Variants in FGD4 observed in about 807,000 individuals in gnomAD.
FGD4 encodes FYVE, RhoGEF and PH domain containing 4, also known as FYVE, RhoGEF and PH domain-containing protein 4.
Under a neutral mutation model 102.0 loss-of-function variants are expected in FGD4, and 42 were observed. That is an observed-to-expected ratio of 0.41 (90% CI 0.32 to 0.53). The LOEUF is 0.53. FGD4 is among the 20% of genes least tolerant of loss of function. The pLI, the probability that FGD4 is intolerant of heterozygous loss-of-function variation, is 0.21. For synonymous variants in FGD4, 380 were observed against 375.7 expected, an observed-to-expected ratio of 1.01 and a Z score of -0.13; for missense variants, 902 against 1,078.2, an observed-to-expected ratio of 0.84 and a Z score of 2.29.
chr12:32,450,595 G>A (rs550303157), intron 1 of FGD4, among the ~76,000 whole-genome samples: 1 of 152,190 alleles, frequency 6.6e-6, no homozygotes, highest in African/African-American at 2.4e-5. Flanking sequence ...CAAGAGCCCT[G>A]GTTTCTTAGT....
chr12:32,574,337 T>G (rs1198969537), intron 2 of FGD4, among the ~76,000 whole-genome samples: 1 of 151,976 alleles, frequency 6.6e-6, no homozygotes, highest in African/African-American at 2.4e-5. Context: ...AAGTGTTTTT[T>G]TTTTTTTTTT....
chr12:32,543,001 G>A lies in FGD4; in HGVS notation c.167-21136G>A, dbSNP rs181211003. 5.7e-4 allele frequency among the ~76,000 whole-genome samples: 87 copies of A among 152,188 alleles called. 1 individual carries two copies. Among genetic ancestry groups the A allele is most frequent in the Admixed American group, 5.6e-3 (86 of 15,278 alleles). On this transcript the variant is annotated intron_variant, in intron 1 of 16. Coordinates refer to ENST00000534526, the MANE Select transcript of FGD4 (RefSeq NM_001370298.3). ...TAGCGTCAGATCCCATAGGTGAAAC[G>A]CTGAGTCCCACAAGACTATCCCCAC...
chr12:32,624,337 T>A, intron 11 of FGD4, 85 bp from the exon 12 acceptor site: 1 of 1,096,800 alleles, frequency 9.1e-7, no homozygotes, highest in Non-Finnish European at 1.3e-6. Flanking sequence ...TCCAGAAAGT[T>A]GGAACAACAG....
At chr12:32,455,409 G>T (rs1942922120) in intron 1 of FGD4, among the ~76,000 whole-genome samples, 1 of 152,008 alleles carries the variant, frequency 6.6e-6, no homozygotes, top group African/African-American at 2.4e-5. Flanking sequence ...CAGGATAATT[G>T]TATTTAAACA....
intron 1 of FGD4, among the ~76,000 whole-genome samples, chr12:32,555,052 T>G (rs1181266634): frequency 1.3e-5 from 2 of 152,234 alleles, no homozygotes; most frequent in Admixed American, 6.5e-5. Context: ...CAATATGGAC[T>G]GCACTGGGAA....
intron 1 of FGD4, among the ~76,000 whole-genome samples, chr12:32,556,117 A>G (rs1171520118): frequency 6.6e-6 from 1 of 152,168 alleles, no homozygotes; most frequent in Non-Finnish European, 1.5e-5. Flanking sequence ...CTGGGATTAC[A>G]GGCATGAGCC....
intron 1 of FGD4, among the ~76,000 whole-genome samples, chr12:32,500,785 A>G (rs1165184320): frequency 6.6e-6 from 1 of 152,132 alleles, no homozygotes; most frequent in Non-Finnish European, 1.5e-5. Flanking sequence ...ATACATTAAT[A>G]TTTGCATCAC....
At chr12:32,522,274 G>A (rs1240474906) in intron 1 of FGD4, among the ~76,000 whole-genome samples, 3 of 152,158 alleles carry the variant, frequency 2.0e-5, no homozygotes, top group East Asian at 1.9e-4. Context: ...GGGTGGATAC[G>A]TAGAGTGGAT....
intron 1 of FGD4, among the ~76,000 whole-genome samples, chr12:32,428,614 T>C (rs550384769): frequency 6.6e-6 from 1 of 152,352 alleles, no homozygotes; most frequent in South Asian, 2.1e-4. Context: ...TTGGCCTGCC[T>C]TGCTAGGTTG....
At chr12:32,442,633 A>C (rs1242924346) in intron 1 of FGD4, among the ~76,000 whole-genome samples, 1 of 137,808 alleles carries the variant, frequency 7.3e-6, no homozygotes, top group Non-Finnish European at 1.5e-5. Context: ...GTGCGATCTC[A>C]CTGCAACCTC....
At chr12:32,577,195 A>C (rs932687665) in intron 3 of FGD4, among the ~76,000 whole-genome samples, 1 of 152,158 alleles carries the variant, frequency 6.6e-6, no homozygotes, top group Non-Finnish European at 1.5e-5. Flanking sequence ...TAGTCTTTTG[A>C]TAAAAAGAAA....
At chr12:32,526,761 C>T (rs568193379) in intron 1 of FGD4, among the ~76,000 whole-genome samples, 3 of 152,272 alleles carry the variant, frequency 2.0e-5, no homozygotes, top group Non-Finnish European at 4.4e-5. Context: ...TGCAGCTTCA[C>T]TCCTGAGCCC....
At chr12:32,476,269 A>G (rs910086357) in intron 1 of FGD4, among the ~76,000 whole-genome samples, 20 of 152,302 alleles carry the variant, frequency 1.3e-4, no homozygotes, top group Admixed American at 8.5e-4. Context: ...TCTGATACCA[A>G]ATTTTGTTTT....
chr12:32,481,061 C>T (rs572541197), intron 1 of FGD4, among the ~76,000 whole-genome samples: 26 of 138,050 alleles, frequency 1.9e-4, no homozygotes, highest in Middle Eastern at 3.9e-3. Flanking sequence ...AAGCAATCCC[C>T]GGCTTGCGGT....
intron 10 of FGD4, among the ~76,000 whole-genome samples, chr12:32,618,175 G>A (rs1366757579): frequency 6.6e-6 from 1 of 152,232 alleles, no homozygotes; most frequent in Non-Finnish European, 1.5e-5. Flanking sequence ...AAGCCAACTT[G>A]AGGACAAGTA....
At chr12:32,562,614 C>T (rs1055319541) in intron 1 of FGD4, among the ~76,000 whole-genome samples, 1 of 152,136 alleles carries the variant, frequency 6.6e-6, no homozygotes, top group Non-Finnish European at 1.5e-5. Flanking sequence ...GGTGATGATT[C>T]TTAACGAGCA....
intron 9 of FGD4, 65 bp downstream of exon 9, chr12:32,610,899 A>G: frequency 6.6e-7 from 1 of 1,521,912 alleles, no homozygotes; most frequent in South Asian, 1.1e-5. Context: ...CTGCCTCAAT[A>G]CTATGTAGAT....
intron 1 of FGD4, among the ~76,000 whole-genome samples, chr12:32,535,484 G>A (rs1022892260): frequency 1.3e-5 from 2 of 152,084 alleles, no homozygotes; most frequent in African/African-American, 2.4e-5. Context: ...TAGTAGCTGC[G>A]GGAGGGTTAA....
chr12:32,585,047 C>T (rs893082137), intron 4 of FGD4, among the ~76,000 whole-genome samples: 2 of 151,400 alleles, frequency 1.3e-5, no homozygotes, highest in African/African-American at 2.4e-5. Context: ...GTGGCAAAAC[C>T]CCATCTCTAC....
Sources: gnomAD v4.1 joint callset for allele counts (sites outside exome capture counted in the v4.1 genomes callset) on GRCh38, gnomAD v4.1.1 for gene constraint, MANE v1.5 for transcripts, NCBI Gene and HGNC (gene_info 2026-07-23, HGNC 2026-07-21) for gene names.